The following BLM variants were observed in gnomAD, a reference collection of about 807,000 sequenced individuals.
BLM encodes BLM RecQ like helicase.
In BLM, 95 loss-of-function variants were observed where a neutral mutation model predicts 135.3. The observed-to-expected ratio is 0.70, with a 90% confidence interval of 0.59 to 0.83. BLM has a LOEUF of 0.83. BLM is among the 40% of genes least tolerant of loss of function. The pLI, the probability that BLM is intolerant of heterozygous loss-of-function variation, is 0.00. For synonymous variants in BLM, 520 were observed against 589.2 expected (o/e 0.88, Z 1.70); for missense variants, 1,518 against 1,663.9 (o/e 0.91, Z 1.53).
intron 8 of BLM, 142 bp downstream of exon 8, chr15:90,763,299 C>T: frequency 3.5e-6 from 3 of 858,478 alleles, no homozygotes; most frequent in Admixed American, 4.3e-5. Flanking sequence ...AGTGAGAAAG[C>T]ATATTACTTT....
At chr15:90,752,838 A>G (rs1420344403) in intron 4 of BLM, among the ~76,000 whole-genome samples, 6 of 152,098 alleles carry the variant, frequency 3.9e-5, no homozygotes, top group African/African-American at 1.5e-4. Context: ...GTTTATATAG[A>G]GTCTCAATTC....
Position 90,790,713 on chromosome 15 carries a change from A to G in BLM, c.2888A>G (p.His963Arg). 1 of 1,614,186 alleles carries G rather than the reference A, an allele frequency of 6.2e-7. No individual in the cohort carries two copies. The change falls in exon 15 of 22, where the codon CAT (histidine) becomes CGT (arginine). Residue 963 changes from histidine (H) to arginine (R), a missense_variant. His to Arg is a conservative substitution (Grantham distance 29, BLOSUM62 0). This residue lies in a region of BLM where 626 missense variants were observed against 681.1 expected (regional missense o/e 0.92). Transcript: ENST00000355112. ...IDKPDVRFVI[H>R]ASLPKSVEGY... ...AAACCGGACGTGCGATTTGTGATTC[A>G]TGCATCTCTCCCTAAATCTGTGGAG...
intron 12 of BLM, among the ~76,000 whole-genome samples, chr15:90,780,746 G>A (rs1896598149): frequency 6.6e-6 from 1 of 152,232 alleles, no homozygotes; most frequent in Non-Finnish European, 1.5e-5. Context: ...ATACTCTGCT[G>A]TATCCTCCCG....
intron 19 of BLM, 83 bp from the exon 20 acceptor site, chr15:90,809,054 G>C: frequency 6.3e-7 from 1 of 1,577,722 alleles, no homozygotes. Flanking sequence ...TAGCAGACGT[G>C]TGCTGAATGC....
chr15:90,729,132 A>G lies in BLM; in HGVS notation c.-5+11692A>G, dbSNP rs181211844. On this transcript the variant is annotated intron_variant, in intron 1 of 21. Coordinates refer to ENST00000355112, the MANE Select transcript of BLM (RefSeq NM_000057.4). ...TGAGACTAGCCTGGCCAACGTGGCG[A>G]AACTCCATCTCTACTAAAAATACAA... 5.9e-5 allele frequency among the ~76,000 whole-genome samples: 9 copies of G among 152,202 alleles called. No homozygotes were observed. The East Asian group carries it at 1.7e-3, about 29-fold the overall frequency.
intron 1 of BLM, among the ~76,000 whole-genome samples, chr15:90,740,293 G>A (rs1895331306): frequency 6.6e-6 from 1 of 152,040 alleles, no homozygotes; most frequent in African/African-American, 2.4e-5. Flanking sequence ...CCATGGATAT[G>A]TCTATTCTTA....
intron 7 of BLM, 119 bp downstream of exon 7, chr15:90,761,374 C>T: frequency 5.1e-6 from 4 of 785,344 alleles, no homozygotes; most frequent in Non-Finnish European, 7.3e-6. Context: ...ATGCAAATTT[C>T]TACTGATGAT....
At chr15:90,744,660 G>A (rs191807745) in intron 1 of BLM, among the ~76,000 whole-genome samples, 16 of 148,380 alleles carry the variant, frequency 1.1e-4, no homozygotes, top group Admixed American at 6.7e-5. Context: ...GTGAGCCACC[G>A]TGCCCAGCCA....
In BLM at chr15:90,811,230, C is replaced by T. The variant is rs769564626; in HGVS notation, c.3900C>T (p.Ser1300=). Reference sequence around the variant, plus strand: ...CTGAAGACAGTTCCCCAGGGATAAGCCTGTCCAGCAGCAGAGGCCCCGGAA... The same window carrying T: ...CTGAAGACAGTTCCCCAGGGATAAGTCTGTCCAGCAGCAGAGGCCCCGGAA... ...SPAEDSSPGI[S]LSSSRGPGRS... is the part of the protein sequence containing the mutation. Residue 1300 remains serine (S), a synonymous_variant, in exon 21 of 22, where the codon AGC becomes AGT. Coordinates refer to ENST00000355112, the MANE Select transcript of BLM (RefSeq NM_000057.4). 14 of 1,613,656 alleles carry T rather than the reference C, an allele frequency of 8.7e-6. No homozygotes were observed. In the South Asian group the frequency reaches 1.5e-4, roughly 18 times the overall value.
intron 20 of BLM, 125 bp downstream of exon 20, chr15:90,809,384 G>A: frequency 6.7e-7 from 1 of 1,494,938 alleles, no homozygotes; most frequent in Non-Finnish European, 9.2e-7. Flanking sequence ...ATCCAAGTCA[G>A]CCCCCAGTGG....
At chr15:90,760,374 C>T (rs967980553) in intron 6 of BLM, 95 bp downstream of exon 6, 2 of 1,517,510 alleles carry the variant, frequency 1.3e-6, no homozygotes, top group Non-Finnish European at 1.8e-6. Flanking sequence ...GCTTTCTGGC[C>T]TGGAAATGGC....
intron 8 of BLM, among the ~76,000 whole-genome samples, chr15:90,764,411 G>A (rs1896067891): frequency 6.6e-6 from 1 of 151,716 alleles, no homozygotes; most frequent in African/African-American, 2.4e-5. Flanking sequence ...GAATACAGTG[G>A]TGCTATCACA....
chr15:90,778,976 C>T (rs1796706044), intron 12 of BLM, among the ~76,000 whole-genome samples: 1 of 151,422 alleles, frequency 6.6e-6, no homozygotes, highest in South Asian at 2.1e-4. Context: ...ACCTCCACCT[C>T]CCAGGTTCAA....
intron 1 of BLM, among the ~76,000 whole-genome samples, chr15:90,743,782 C>A (rs1245990699): frequency 6.6e-6 from 1 of 152,134 alleles, no homozygotes; most frequent in Admixed American, 6.5e-5. Context: ...TAGTACTCAC[C>A]AACTTCCTGA....
chr15:90,765,444 G>T (rs769408513), intron 9 of BLM, 30 bp downstream of exon 9: 1 of 1,482,170 alleles, frequency 6.7e-7, no homozygotes, highest in South Asian at 1.1e-5. Context: ...ATAAAAACAC[G>T]CCTTAGAAAC....
At chr15:90,808,775 A>C in intron 19 of BLM, 1 of 360,422 alleles carries the variant, frequency 2.8e-6, no homozygotes. Flanking sequence ...CGTTCTCAGT[A>C]AAGAGAGGGC....
chr15:90,747,401 T>C lies in BLM; in HGVS notation c.9T>C (p.Ala3=), dbSNP rs1596215598. 6.2e-7 allele frequency: 1 copy of C among 1,608,908 alleles called. No homozygotes were observed. The highest frequency in any genetic ancestry group is 1.1e-5 in the South Asian group (1 of 90,408). The change falls in exon 2 of 22, where the codon GCT becomes GCC. Residue 3 remains alanine, a synonymous_variant. Transcript: ENST00000355112. ...CCTCACTTTTTAGGATTATGGCTGCTGTTCCTCAAAATAATCTACAGGAGC... is the reference window on the plus strand; with the variant it reads ...CCTCACTTTTTAGGATTATGGCTGCCGTTCCTCAAAATAATCTACAGGAGC... The part of the protein sequence containing the change: MA[A]VPQNNLQEQL...
chr15:90,804,073 C>A, intron 18 of BLM, 94 bp from the exon 19 acceptor site: 2 of 1,187,264 alleles, frequency 1.7e-6, no homozygotes, highest in Non-Finnish European at 2.4e-6. Context: ...AATAGAATTG[C>A]CCCCCAAAAA....
intron 14 of BLM, 65 bp from the exon 15 acceptor site, chr15:90,790,584 T>C: frequency 7.0e-7 from 1 of 1,437,860 alleles, no homozygotes. Flanking sequence ...TAGAAGCATC[T>C]ATTATGAAAA....
Sources: gnomAD v4.1 joint callset for allele counts (sites outside exome capture counted in the v4.1 genomes callset) on GRCh38, gnomAD v4.1.1 for gene constraint, gnomAD v4.1.1 regional missense constraint, MANE v1.5 for transcripts, NCBI Gene and HGNC (gene_info 2026-07-23, HGNC 2026-07-21) for gene names.